Variants in FAT3 observed in about 807,000 individuals in gnomAD.
FAT3 encodes the protein protocadherin Fat 3.
In FAT3, 95 loss-of-function variants were observed where a neutral mutation model predicts 310.2. The observed-to-expected ratio is 0.31, with a 90% CI of 0.26 to 0.36. The LOEUF (loss-of-function observed/expected upper bound fraction) is 0.36, where lower values mean the gene tolerates loss of function less well. FAT3 is among the 10% of genes least tolerant of loss of function. FAT3 has a pLI of 1.00. For synonymous variants in FAT3, 2,314 were observed against 2,192.9 expected (o/e 1.06, Z -1.54); for missense variants, 5,408 against 5,715.6 (o/e 0.95, Z 1.74).
chr11:92,438,004 G>A (rs1046789040), intron 2 of FAT3, among the ~76,000 whole-genome samples: 1 of 152,122 alleles, frequency 6.6e-6, no homozygotes, highest in African/African-American at 2.4e-5. Context: ...AAAAGTGGAT[G>A]TATGGAAGGT....
At chr11:92,689,961 G>A (rs1943750592) in intron 3 of FAT3, among the ~76,000 whole-genome samples, 1 of 152,258 alleles carries the variant, frequency 6.6e-6, no homozygotes. Context: ...AGGAAGCAGG[G>A]CTTGCCTGAA....
chr11:92,806,307 G>A (rs767670628), intron 11 of FAT3, 55 bp from the exon 12 acceptor site: 5 of 1,434,928 alleles, frequency 3.5e-6, no homozygotes, highest in Non-Finnish European at 4.7e-6. Context: ...GCTAAATATG[G>A]CAATTGCCCC....
chr11:92,229,463 T>C (rs1864056339), intron 1 of FAT3, among the ~76,000 whole-genome samples: 1 of 149,874 alleles, frequency 6.7e-6, no homozygotes, highest in African/African-American at 2.4e-5. Context: ...CTTTATTCCT[T>C]TCCTTGTTTT....
chr11:92,764,896 T>G lies in FAT3; in HGVS notation c.4002T>G (p.Asn1334Lys). 1 of 1,613,674 alleles carries G rather than the reference T, an allele frequency of 6.2e-7. No homozygotes were observed. Among genetic ancestry groups the G allele is most frequent in the Non-Finnish European group, 8.5e-7 (1 of 1,179,720 alleles). The change falls in exon 6 of 28, where the codon AAT (asparagine) becomes AAG (lysine). Residue 1334 changes from asparagine (N) to lysine (K), a missense_variant. Asn to Lys is a moderately conservative substitution (Grantham distance 94). Transcript: ENST00000525166. ...YDILTIKAVDNGRPQKSSTAR... is the reference protein window; with the variant it reads ...YDILTIKAVDKGRPQKSSTAR... The stretch of plus-strand genomic sequence containing the variant: ...GTGAGTAGATAAAGGCAGTGGACAA[T>G]GGGCGCCCACAGAAATCCTCCACGG...
chr11:92,422,221 CACA>C (rs1950546665), intron 2 of FAT3, among the ~76,000 whole-genome samples: 1 of 152,144 alleles, frequency 6.6e-6, no homozygotes, highest in Non-Finnish European at 1.5e-5. Flanking sequence ...TTCTTTATTT[CACA>C]ACCTCTTTCC....
At chr11:92,752,198 C>T (rs754608212) in intron 4 of FAT3, among the ~76,000 whole-genome samples, 3 of 152,230 alleles carry the variant, frequency 2.0e-5, no homozygotes, top group Non-Finnish European at 4.4e-5. Context: ...AGCATGGCTG[C>T]ATTCCAATAA....
intron 5 of FAT3, among the ~76,000 whole-genome samples, chr11:92,764,215 C>G (rs1433744408): frequency 6.6e-6 from 1 of 152,008 alleles, no homozygotes; most frequent in Non-Finnish European, 1.5e-5. Context: ...TTCCCTTCCA[C>G]GCTGCCTCCA....
In FAT3 at chr11:92,531,331, T is replaced by G. The variant is rs560628546; in HGVS notation, c.3607+6383T>G. ...CACATGAACAAGGACAAAGGGAACT[T>G]TTCTGCATTGTCATTATGTCCCCAG... is the stretch of plus-strand genomic sequence containing the variant. On this transcript the variant is annotated intron_variant, in intron 3 of 27. Coordinates refer to ENST00000525166, the MANE Select transcript of FAT3 (RefSeq NM_001367949.2). Among the ~76,000 whole-genome samples the G allele has an allele frequency of 1.4e-3, 218 of 152,282 alleles. 1 individual carries two copies. The highest frequency in any genetic ancestry group is 5.1e-3 in the African/African-American group (213 of 41,558).
chr11:92,422,527 G>A lies in FAT3; in HGVS notation c.3292+67123G>A, dbSNP rs1204077270. 2.6e-5 allele frequency among the ~76,000 whole-genome samples: 4 copies of A among 152,148 alleles called. No individual in the cohort carries two copies. The East Asian group carries it at 7.7e-4, about 29-fold the overall frequency. Reference sequence around the variant, plus strand: ...CCTATGAAGGGAATGGGGTTAAAGGGCCTTTGAAGAGGAGAACTGTGGCAG... The same window carrying A: ...CCTATGAAGGGAATGGGGTTAAAGGACCTTTGAAGAGGAGAACTGTGGCAG... On this transcript the variant is annotated intron_variant, in intron 2 of 27. Coordinates refer to ENST00000525166, the MANE Select transcript of FAT3 (RefSeq NM_001367949.2).
chr11:92,319,905 GA>G (rs1947563123), intron 1 of FAT3, among the ~76,000 whole-genome samples: 1 of 152,222 alleles, frequency 6.6e-6, no homozygotes, highest in Admixed American at 6.5e-5. Flanking sequence ...GGATGAGGAA[GA>G]CAGAGGGAGT....
At chr11:92,559,003 C>T (rs1371892276) in intron 3 of FAT3, among the ~76,000 whole-genome samples, 3 of 152,154 alleles carry the variant, frequency 2.0e-5, no homozygotes, top group African/African-American at 7.2e-5. Flanking sequence ...TCCTTCTATA[C>T]ATCTTACTTA....
Position 92,799,586 on chromosome 11 carries a change from T to A in FAT3, c.6573T>A (p.Tyr2191Ter), listed in dbSNP as rs1401483217. The change falls in exon 10 of 28, where the codon TAT (tyrosine) becomes TAA (stop). Residue 2191 changes from tyrosine to a stop codon, truncating the protein, a stop_gained. Coordinates refer to ENST00000525166, the MANE Select transcript of FAT3 (RefSeq NM_001367949.2). LOFTEE classifies it high-confidence loss of function. ...KAMPVFDKPF[Y>*]TASVNEDIRM... ...TGCCTGTGTTTGATAAGCCCTTTTA[T>A]ACAGCATCTGTCAATGAAGACATCA... The A allele has an allele frequency of 6.2e-7, 1 of 1,613,848 alleles. No individual in the cohort carries two copies. The highest frequency in any genetic ancestry group is 2.2e-5 in the East Asian group (1 of 44,846).
intron 1 of FAT3, among the ~76,000 whole-genome samples, chr11:92,335,295 G>T (rs1420850498): frequency 1.3e-5 from 2 of 151,600 alleles, no homozygotes; most frequent in African/African-American, 4.8e-5. Context: ...ATTCCTAAAT[G>T]ATTTCAAATT....
intron 24 of FAT3, 200 bp from the exon 25 acceptor site, chr11:92,886,800 G>T: frequency 1.8e-6 from 1 of 556,888 alleles, no homozygotes; most frequent in South Asian, 2.2e-5. Flanking sequence ...TAAGGGTTTC[G>T]AATCCATAAT....
Position 92,801,314 on chromosome 11 carries a change from T to C in FAT3, c.8301T>C (p.Leu2767=), listed in dbSNP as rs1186643987. 22 of 1,613,838 alleles carry C rather than the reference T, an allele frequency of 1.4e-5. No homozygotes were observed. The highest frequency in any genetic ancestry group is 1.8e-5 in the Non-Finnish European group (21 of 1,179,880). Residue 2767 remains leucine, a synonymous_variant, in exon 10 of 28, where the codon CTT becomes CTC. Coordinates refer to ENST00000525166, the MANE Select transcript of FAT3 (RefSeq NM_001367949.2). ...AACAGGAAACAGGCACTATTAAGCTTGACAAACGCCTTGACCGTGAAACCA... is the reference window on the plus strand; with the variant it reads ...AACAGGAAACAGGCACTATTAAGCTCGACAAACGCCTTGACCGTGAAACCA... ...VIEQETGTIK[L]DKRLDRETSP...
rs1482387869 is a variant in FAT3 at position 92,354,941 on chromosome 11, G to T, written c.2829G>T (p.Val943=). 1 of 1,613,808 alleles carries T rather than the reference G, an allele frequency of 6.2e-7. No individual in the cohort carries two copies. The highest frequency in any genetic ancestry group is 8.5e-7 in the Non-Finnish European group (1 of 1,179,876). The change falls in exon 2 of 28, where the codon GTG becomes GTT. Residue 943 remains valine, a synonymous_variant. Coordinates refer to ENST00000525166, the MANE Select transcript of FAT3 (RefSeq NM_001367949.2). ...CTTTCATTCCCAGTAGCTATAGTGTGAAGGTTCTTGAAGATCTCCCTGTTG... is the reference window on the plus strand; with the variant it reads ...CTTTCATTCCCAGTAGCTATAGTGTTAAGGTTCTTGAAGATCTCCCTGTTG... ...SPAFIPSSYS[V]KVLEDLPVGT...
intron 1 of FAT3, among the ~76,000 whole-genome samples, chr11:92,229,492 G>GGTTTTTTTTTTTTTTTTTTTT (rs1555062544): frequency 1.7e-5 from 1 of 60,236 alleles, no homozygotes; most frequent in African/African-American, 5.9e-5. Context: ...GTTTTTTCGT[G>GGTTTTTTTTTTTTTTTTTTTT]TTTTTTTTTT....
chr11:92,488,246 A>C (rs1352562592), intron 2 of FAT3, among the ~76,000 whole-genome samples: 1 of 152,100 alleles, frequency 6.6e-6, no homozygotes, highest in East Asian at 1.9e-4. Context: ...TAAGCTTGTA[A>C]GTGATTCTTC....
At chr11:92,817,394 C>T (rs1299590795) in intron 13 of FAT3, among the ~76,000 whole-genome samples, 1 of 152,132 alleles carries the variant, frequency 6.6e-6, no homozygotes, top group East Asian at 1.9e-4. Context: ...TAGTTTGATC[C>T]TCATATTAAC....
Sources: allele counts gnomAD v4.1 joint callset (sites outside exome capture counted in the v4.1 genomes callset), GRCh38; gene constraint gnomAD v4.1.1; transcripts MANE v1.5; gene names NCBI Gene and HGNC (gene_info 2026-07-23, HGNC 2026-07-21).